XRCC4: variants seen among roughly 807,000 people sequenced by gnomAD.
XRCC4 encodes DNA repair protein XRCC4.
A neutral mutation model predicts 39.1 loss-of-function variants in XRCC4; 28 were observed. The observed-to-expected ratio is 0.72, with a 90% confidence interval of 0.53 to 0.98. The LOEUF (loss-of-function observed/expected upper bound fraction) is 0.98, where lower values mean the gene tolerates loss of function less well. Among genes scored for constraint, XRCC4 ranks in the 50% least tolerant of loss-of-function variants. XRCC4 has a pLI of 0.00. For synonymous variants in XRCC4, 123 were observed against 126.4 expected, an observed-to-expected ratio of 0.97 and a Z score of 0.18; for missense variants, 350 against 376.4, an observed-to-expected ratio of 0.93 and a Z score of 0.58.
intron 3 of XRCC4, among the ~76,000 whole-genome samples, chr5:83,161,994 T>C (rs1488497423): frequency 6.6e-6 from 1 of 151,946 alleles, no homozygotes; most frequent in Non-Finnish European, 1.5e-5. Flanking sequence ...TGAAACCCCG[T>C]CTCTACTAAA....
the XRCC4 span, among the ~76,000 whole-genome samples, chr5:83,370,046 A>G: frequency 6.6e-6 from 1 of 152,010 alleles, no homozygotes; most frequent in Non-Finnish European, 1.5e-5. Flanking sequence ...ACCTGGTCTA[A>G]TTTGCTAACC....
intron 3 of XRCC4, among the ~76,000 whole-genome samples, chr5:83,128,714 C>G (rs1323001801): frequency 3.3e-5 from 5 of 152,290 alleles, no homozygotes; most frequent in African/African-American, 7.2e-5. Context: ...TTGCATTTCT[C>G]TGATGGCCAG....
intron 6 of XRCC4, among the ~76,000 whole-genome samples, chr5:83,248,738 T>C (rs1169783540): frequency 6.6e-6 from 1 of 152,216 alleles, no homozygotes; most frequent in Non-Finnish European, 1.5e-5. Flanking sequence ...TTACTATTCT[T>C]GTCAAATTGA....
chr5:83,214,881 A>G (rs1449931931), intron 6 of XRCC4, among the ~76,000 whole-genome samples: 3 of 151,402 alleles, frequency 2.0e-5, no homozygotes, highest in East Asian at 3.9e-4. Context: ...TAAAGAAATT[A>G]AGGAAAAGAA....
chr5:83,128,095 G>A (rs910750970), intron 3 of XRCC4, among the ~76,000 whole-genome samples: 2 of 151,798 alleles, frequency 1.3e-5, no homozygotes, highest in Non-Finnish European at 2.9e-5. Context: ...TTTACATTAG[G>A]TATATCTCCT....
rs1329193303 is a variant in XRCC4, at chr5:83,219,981, T to G, written c.745+15060T>G. On this transcript the variant is annotated intron_variant, in intron 6 of 7. Coordinates refer to ENST00000396027, the MANE Select transcript of XRCC4 (RefSeq NM_003401.5). ...TTTGTGGTTCTAGAATAGATTTATATTACTTTGAAGAGGAAATCAAATTGT... is the reference window on the plus strand; with the variant it reads ...TTTGTGGTTCTAGAATAGATTTATAGTACTTTGAAGAGGAAATCAAATTGT... 2.6e-5 allele frequency among the ~76,000 whole-genome samples: 4 copies of G among 152,148 alleles called. No individual in the cohort carries two copies. The South Asian group carries it at 8.3e-4, about 32-fold the overall frequency.
intron 7 of XRCC4, among the ~76,000 whole-genome samples, chr5:83,277,407 G>A (rs1177396475): frequency 6.6e-6 from 1 of 152,184 alleles, no homozygotes; most frequent in Non-Finnish European, 1.5e-5. Context: ...CTGTCATCCT[G>A]GATCCTGGAA....
At chr5:83,100,622 TGTATAA>T (rs1339115801) in intron 1 of XRCC4, among the ~76,000 whole-genome samples, 5 of 152,054 alleles carry the variant, frequency 3.3e-5, no homozygotes, top group South Asian at 2.1e-4. Flanking sequence ...CAAAATAATC[TGTATAA>T]GTATGTGTGC....
At chr5:83,238,482 C>T (rs191846289) in intron 6 of XRCC4, among the ~76,000 whole-genome samples, 197 of 152,118 alleles carry the variant, frequency 1.3e-3, no homozygotes, top group African/African-American at 4.6e-3. Flanking sequence ...ATGTTTATCT[C>T]GGTCAGTAGA....
intron 7 of XRCC4, among the ~76,000 whole-genome samples, chr5:83,329,045 G>C (rs905990662): frequency 6.6e-6 from 1 of 152,010 alleles, no homozygotes; most frequent in Non-Finnish European, 1.5e-5. Context: ...TATTAGCTGG[G>C]ACTGCAGACA....
chr5:83,280,775 A>G (rs1754509195), intron 7 of XRCC4: 2 of 166,966 alleles, frequency 1.2e-5, no homozygotes, highest in East Asian at 3.2e-4. Flanking sequence ...TTCAACATGA[A>G]TTTTAGAAGG....
At chr5:83,107,886 C>T (rs369058226) in intron 2 of XRCC4, among the ~76,000 whole-genome samples, 16 of 151,916 alleles carry the variant, frequency 1.1e-4, no homozygotes, top group African/African-American at 3.9e-4. Flanking sequence ...TGATGCAATA[C>T]CAACTAGAAT....
intron 3 of XRCC4, among the ~76,000 whole-genome samples, chr5:83,187,403 A>G (rs1271138274): frequency 6.6e-6 from 1 of 152,248 alleles, no homozygotes; most frequent in Non-Finnish European, 1.5e-5. Context: ...CTCAAAGATT[A>G]TAACCTTAAT....
intron 3 of XRCC4, among the ~76,000 whole-genome samples, chr5:83,158,364 A>T (rs1165816556): frequency 6.6e-6 from 1 of 152,126 alleles, no homozygotes; most frequent in African/African-American, 2.4e-5. Flanking sequence ...GAGGGATTGG[A>T]TCTCTGTAGA....
chr5:83,273,591 G>C (rs1347307254), intron 7 of XRCC4, among the ~76,000 whole-genome samples: 1 of 152,136 alleles, frequency 6.6e-6, no homozygotes, highest in Non-Finnish European at 1.5e-5. Context: ...GTTGATTTTT[G>C]TATAAGGTGT....
At chr5:83,120,007 A>C (rs1347687856) in intron 3 of XRCC4, among the ~76,000 whole-genome samples, 1 of 151,324 alleles carries the variant, frequency 6.6e-6, no homozygotes, top group Non-Finnish European at 1.5e-5. Flanking sequence ...ACAAAAAAAA[A>C]AAAAAAAACA....
At chr5:83,141,371 A>G (rs1561357796) in intron 3 of XRCC4, among the ~76,000 whole-genome samples, 1 of 152,274 alleles carries the variant, frequency 6.6e-6, no homozygotes, top group East Asian at 1.9e-4. Context: ...GTTTTCTTAG[A>G]TGTTGCCAAA....
At chr5:83,090,563 A>G (rs1006706644) in intron 1 of XRCC4, among the ~76,000 whole-genome samples, 8 of 152,122 alleles carry the variant, frequency 5.3e-5, no homozygotes, top group African/African-American at 4.8e-5. Flanking sequence ...TCAAATTTTT[A>G]TAGAGCTCAA....
At chr5:83,110,911 TTTAC>T in intron 2 of XRCC4, 113 bp from the exon 3 acceptor site, 1 of 996,720 alleles carries the variant, frequency 1.0e-6, no homozygotes, top group East Asian at 2.8e-5. Context: ...AGGGATTGAT[TTTAC>T]TTGTTTGAAT....
Sources: allele counts gnomAD v4.1 joint callset (sites outside exome capture counted in the v4.1 genomes callset), GRCh38; gene constraint gnomAD v4.1.1; transcripts MANE v1.5; gene names NCBI Gene and HGNC (gene_info 2026-07-23, HGNC 2026-07-21).